Variants in CAMKMT observed in about 807,000 individuals in gnomAD.
The protein encoded by CAMKMT is CaM KMT.
CAMKMT carries 53 observed loss-of-function variants against 48.0 expected under a neutral mutation model. The observed-to-expected ratio is 1.10, with a 90% CI of 0.89 to 1.39. The LOEUF (loss-of-function observed/expected upper bound fraction) is 1.39, where lower values mean the gene tolerates loss of function less well. Among genes scored for constraint, CAMKMT ranks in the 40% most tolerant of loss-of-function variants. The probability of loss-of-function intolerance (pLI) is 0.00; values close to 1 mark genes in which losing one functional copy is unlikely to be tolerated. For synonymous variants in CAMKMT, 165 were observed against 152.3 expected (o/e 1.08, Z -0.61); for missense variants, 428 against 402.7 (o/e 1.06, Z -0.54).
At chr2:44,385,532 G>T (rs535978572) in intron 2 of CAMKMT, among the ~76,000 whole-genome samples, 1 of 151,664 alleles carries the variant, frequency 6.6e-6, no homozygotes, top group South Asian at 2.1e-4. Flanking sequence ...TGGTGAGAGT[G>T]GGCATCCTTG....
chr2:44,628,988 G>T (rs1270133103), intron 3 of CAMKMT, among the ~76,000 whole-genome samples: 2 of 152,032 alleles, frequency 1.3e-5, no homozygotes, highest in Admixed American at 6.6e-5. Context: ...CATATATTCT[G>T]CCCTTGTTTG....
intron 7 of CAMKMT, among the ~76,000 whole-genome samples, chr2:44,723,544 T>C (rs1408633706): frequency 6.6e-6 from 1 of 151,006 alleles, no homozygotes; most frequent in Non-Finnish European, 1.5e-5. Context: ...TGAGCGGAGA[T>C]CACACCACTG....
Position 44,614,990 on chromosome 2 carries a change from T to C in CAMKMT, c.377-89293T>C, listed in dbSNP as rs532509073. Among the ~76,000 whole-genome samples the C allele has an allele frequency of 1.2e-3, 152 of 126,130 alleles. 1 individual carries two copies. Among genetic ancestry groups the C allele is most frequent in the African/African-American group, 4.3e-3 (147 of 34,096 alleles). 82.7% of individuals were successfully genotyped at this position (126,130 alleles called of 152,430 possible). ...CAGGGTCTTGCTCTGTTGCCCAGGC[T>C]AGAGTGCAGTGGTGACATCATAGCT... On this transcript the variant is annotated intron_variant, in intron 3 of 10. Transcript: ENST00000378494.
chr2:44,587,248 A>T (rs1278537086), intron 3 of CAMKMT, among the ~76,000 whole-genome samples: 1 of 152,190 alleles, frequency 6.6e-6, no homozygotes, highest in African/African-American at 2.4e-5. Flanking sequence ...ACTTCTTAAC[A>T]ATACTGAGTC....
rs533527404 is a variant in CAMKMT, at chr2:44,670,839, T to C, written c.377-33444T>C. On this transcript the variant is annotated intron_variant, in intron 3 of 10. Transcript: ENST00000378494. Reference sequence around the variant, plus strand: ...TAAGAAACGCTGCCTCAGCCAGGTCTGTCTTCTGAACATCTTTCGCCAATC... The same window carrying C: ...TAAGAAACGCTGCCTCAGCCAGGTCCGTCTTCTGAACATCTTTCGCCAATC... Among the ~76,000 whole-genome samples, 7 of 152,312 alleles carry C rather than the reference T, an allele frequency of 4.6e-5. No individual in the cohort carries two copies. The South Asian group carries it at 1.5e-3, about 32-fold the overall frequency.
At chr2:44,434,021 T>C (rs949945399) in intron 3 of CAMKMT, among the ~76,000 whole-genome samples, 1 of 152,192 alleles carries the variant, frequency 6.6e-6, no homozygotes, top group Admixed American at 6.5e-5. Context: ...AGATGTATCA[T>C]CAACATTCCA....
At chr2:44,490,270 T>TCTTC (rs1403371446) in intron 3 of CAMKMT, among the ~76,000 whole-genome samples, 1 of 151,882 alleles carries the variant, frequency 6.6e-6, no homozygotes, top group Non-Finnish European at 1.5e-5. Flanking sequence ...CTTGTCTTTT[T>TCTTC]CTTTCTTTCT....
At chr2:44,366,746 A>G in intron 1 of CAMKMT, among the ~76,000 whole-genome samples, 1 of 107,716 alleles carries the variant, frequency 9.3e-6, no homozygotes, top group Non-Finnish European at 2.3e-5. Context: ...ATTTGAGACA[A>G]AGTCTCACTC....
Position 44,525,230 on chromosome 2 carries a change from A to T in CAMKMT, c.376+134925A>T, listed in dbSNP as rs368601619. On this transcript the variant is annotated intron_variant, in intron 3 of 10. Transcript: ENST00000378494. ...TGATGACTGAAATCCAACAGTAACTATTATAAAATTGTCCTAAAATTACTA... is the reference window on the plus strand; with the variant it reads ...TGATGACTGAAATCCAACAGTAACTTTTATAAAATTGTCCTAAAATTACTA... Among the ~76,000 whole-genome samples, 42 of 152,276 alleles carry T rather than the reference A, an allele frequency of 2.8e-4. No individual in the cohort carries two copies. The East Asian group carries it at 7.5e-3, about 27-fold the overall frequency.
At chr2:44,539,418 T>A (rs2104850212) in intron 3 of CAMKMT, among the ~76,000 whole-genome samples, 1 of 152,308 alleles carries the variant, frequency 6.6e-6, no homozygotes, top group East Asian at 1.9e-4. Flanking sequence ...TACTTAAAAG[T>A]ATTTCAGTGT....
intron 3 of CAMKMT, among the ~76,000 whole-genome samples, chr2:44,697,691 T>C (rs1481954970): frequency 6.6e-6 from 1 of 152,086 alleles, no homozygotes; most frequent in Non-Finnish European, 1.5e-5. Flanking sequence ...ATTATAACTA[T>C]TATTGTAATA....
At position 44,390,192 on chromosome 2, in the gene CAMKMT, A is replaced by G. The variant is rs781292494; in HGVS notation, c.312-49A>G. ...AGTCTCAGCTTTTTTGAATACTAAA[A>G]ATGTTAACATTTCAGAATCATTAAA... On this transcript the variant is annotated intron_variant, in intron 2 of 10. Coordinates refer to ENST00000378494, the MANE Select transcript of CAMKMT (RefSeq NM_024766.5). 3 of 1,465,234 alleles carry G rather than the reference A, an allele frequency of 2.0e-6. No individual in the cohort carries two copies. The South Asian group carries it at 3.6e-5, about 17-fold the overall frequency. 90.8% of individuals were successfully genotyped at this position (1,465,234 alleles called of 1,614,324 possible).
intron 3 of CAMKMT, among the ~76,000 whole-genome samples, chr2:44,652,869 A>G (rs1224747699): frequency 1.3e-5 from 2 of 152,198 alleles, no homozygotes; most frequent in Non-Finnish European, 2.9e-5. Context: ...GCCCTCAGTT[A>G]TTCAGAGACC....
intron 3 of CAMKMT, among the ~76,000 whole-genome samples, chr2:44,518,901 A>C (rs932712692): frequency 6.6e-6 from 1 of 152,198 alleles, no homozygotes; most frequent in Non-Finnish European, 1.5e-5. Flanking sequence ...TTAAAAGGGG[A>C]AGATAGGCTC....
chr2:44,613,449 G>T (rs370422306), intron 3 of CAMKMT, among the ~76,000 whole-genome samples: 22 of 152,218 alleles, frequency 1.4e-4, no homozygotes, highest in African/African-American at 5.3e-4. Flanking sequence ...TAGTGCCAGG[G>T]CAACATCATT....
At chr2:44,550,228 C>T (rs919716358) in intron 3 of CAMKMT, among the ~76,000 whole-genome samples, 3 of 151,630 alleles carry the variant, frequency 2.0e-5, no homozygotes, top group East Asian at 1.9e-4. Context: ...AGGGAGACCC[C>T]GTTTCTACAA....
intron 3 of CAMKMT, among the ~76,000 whole-genome samples, chr2:44,476,380 A>G (rs1668689348): frequency 6.6e-6 from 1 of 152,196 alleles, no homozygotes; most frequent in Non-Finnish European, 1.5e-5. Flanking sequence ...TGCATAGTAT[A>G]ACATATTCTT....
chr2:44,490,877 A>T (rs189803514), intron 3 of CAMKMT, among the ~76,000 whole-genome samples: 2 of 152,232 alleles, frequency 1.3e-5, no homozygotes, highest in East Asian at 1.9e-4. Flanking sequence ...TGGCCAGGTG[A>T]GGTGGCTCAC....
At chr2:44,594,138 A>G (rs1047093926) in intron 3 of CAMKMT, among the ~76,000 whole-genome samples, 1 of 152,222 alleles carries the variant, frequency 6.6e-6, no homozygotes, top group Non-Finnish European at 1.5e-5. Context: ...GGAGAACTAC[A>G]AATCACTGCT....
Sources: allele counts gnomAD v4.1 joint callset (sites outside exome capture counted in the v4.1 genomes callset), GRCh38; gene constraint gnomAD v4.1.1; transcripts MANE v1.5; gene names NCBI Gene and HGNC (gene_info 2026-07-23, HGNC 2026-07-21).